The following IGSF21 variants were observed in gnomAD, a reference collection of about 807,000 sequenced individuals.
IGSF21 encodes the protein immunoglobin superfamily member 21, also known as immunoglobulin superfamily member 21.
A neutral mutation model predicts 46.8 loss-of-function variants in IGSF21; 28 were observed. That is an observed-to-expected ratio of 0.60 (90% CI 0.44 to 0.82). The LOEUF (loss-of-function observed/expected upper bound fraction) is 0.82. Ranked by LOEUF, IGSF21 falls within the 40% of genes least tolerant of loss-of-function variation. The probability of loss-of-function intolerance (pLI) is 0.00; values close to 1 mark genes in which losing one functional copy is unlikely to be tolerated. For missense variants in IGSF21, 624 were observed against 665.5 expected (o/e 0.94, Z 0.69); for synonymous variants, 284 against 273.6 (o/e 1.04, Z -0.38).
chr1:18,321,309 C>T (rs1259722932), intron 3 of IGSF21, among the ~76,000 whole-genome samples: 8 of 152,190 alleles, frequency 5.3e-5, no homozygotes, highest in Admixed American at 5.2e-4. Context: ...ACTCACTCTG[C>T]CTGCCCTTTA....
At chr1:18,278,890 G>T (rs989610152) in intron 2 of IGSF21, 24 of 471,592 alleles carry the variant, frequency 5.1e-5, no homozygotes, top group Non-Finnish European at 1.1e-4. Flanking sequence ...GCCAGGTAAT[G>T]GGTATATGGG....
chr1:18,297,558 G>A (rs917180208), intron 3 of IGSF21, among the ~76,000 whole-genome samples: 6 of 152,060 alleles, frequency 3.9e-5, no homozygotes, highest in African/African-American at 1.4e-4. Flanking sequence ...GATGAGTGTG[G>A]TGAAGGGAAT....
intron 1 of IGSF21, among the ~76,000 whole-genome samples, chr1:18,213,906 T>A (rs2084417802): frequency 6.6e-6 from 1 of 152,134 alleles, no homozygotes; most frequent in African/African-American, 2.4e-5. Flanking sequence ...TTCAAAGGCC[T>A]GAGGACTGAC....
Position 18,240,240 on chromosome 1 carries a change from C to T in IGSF21, c.183+12230C>T, listed in dbSNP as rs139147328. Among the ~76,000 whole-genome samples, 6 of 152,278 alleles carry T rather than the reference C, an allele frequency of 3.9e-5. No homozygotes were observed. In the East Asian group the frequency reaches 7.7e-4, roughly 20 times the overall value. ...AAGCTGCAGTGAGCTGTGATTGCAC[C>T]GCTGCACTCCAGCCTGGAGGACAGA... On this transcript the variant is annotated intron_variant, in intron 2 of 9. Transcript: ENST00000251296.
intron 1 of IGSF21, among the ~76,000 whole-genome samples, chr1:18,153,651 G>C (rs1291142663): frequency 6.6e-6 from 1 of 151,818 alleles, no homozygotes. Flanking sequence ...TCTCTACTTC[G>C]CAAATGAGGC....
rs576382442 is a variant in IGSF21 at position 18,196,538 on chromosome 1, A to G, written c.71-31360A>G. Among the ~76,000 whole-genome samples the G allele has an allele frequency of 8.1e-4, 124 of 152,364 alleles. 1 individual carries two copies. Among genetic ancestry groups the G allele is most frequent in the Middle Eastern group, 3.4e-3 (1 of 294 alleles). ...CTGCCAAAGCTTAGCAGGGGGCTCCACAGGGTCCTGAAGGTACCCCCTGAA... is the reference window on the plus strand; with the variant it reads ...CTGCCAAAGCTTAGCAGGGGGCTCCGCAGGGTCCTGAAGGTACCCCCTGAA... On this transcript the variant is annotated intron_variant, in intron 1 of 9. Transcript: ENST00000251296.
chr1:18,316,257 C>G (rs1003626741), intron 3 of IGSF21, among the ~76,000 whole-genome samples: 1 of 152,178 alleles, frequency 6.6e-6, no homozygotes, highest in African/African-American at 2.4e-5. Context: ...TCATCCTGTC[C>G]CCTCCTCCCC....
chr1:18,146,491 AC>A (rs2086467951), intron 1 of IGSF21, among the ~76,000 whole-genome samples: 1 of 152,102 alleles, frequency 6.6e-6, no homozygotes, highest in South Asian at 2.1e-4. Flanking sequence ...TCCTGGGATC[AC>A]TGCTCCAACG....
intron 2 of IGSF21, among the ~76,000 whole-genome samples, chr1:18,283,686 T>A (rs930370110): frequency 6.6e-6 from 1 of 151,862 alleles, no homozygotes; most frequent in African/African-American, 2.4e-5. Context: ...CCTGCCCTGG[T>A]TTTCCTCTCC....
intron 1 of IGSF21, among the ~76,000 whole-genome samples, chr1:18,221,523 C>T (rs931605622): frequency 3.9e-5 from 6 of 152,136 alleles, no homozygotes; most frequent in African/African-American, 1.2e-4. Context: ...AGGAGAGTTC[C>T]TGGGTGTAGG....
At chr1:18,162,923 T>C (rs904814228) in intron 1 of IGSF21, among the ~76,000 whole-genome samples, 4 of 151,574 alleles carry the variant, frequency 2.6e-5, no homozygotes, top group Non-Finnish European at 5.9e-5. Context: ...CCCAGAGGAG[T>C]CTTTGGACTT....
chr1:18,131,806 C>A (rs184341857), intron 1 of IGSF21, among the ~76,000 whole-genome samples: 13 of 152,150 alleles, frequency 8.5e-5, no homozygotes, highest in African/African-American at 3.1e-4. Context: ...TCTTCTACTT[C>A]TTATAAGCCT....
intron 3 of IGSF21, among the ~76,000 whole-genome samples, chr1:18,316,267 C>T (rs908802298): frequency 2.0e-5 from 3 of 152,236 alleles, no homozygotes; most frequent in African/African-American, 7.2e-5. Flanking sequence ...CCCTCCTCCC[C>T]AGCATGAATC....
chr1:18,374,040 C>G (rs563180187), intron 6 of IGSF21, among the ~76,000 whole-genome samples: 1 of 152,176 alleles, frequency 6.6e-6, no homozygotes, highest in Non-Finnish European at 1.5e-5. Context: ...CCCCTGCCCT[C>G]CAGGGCTCTA....
chr1:18,291,842 G>T, intron 2 of IGSF21, 24 bp from the exon 3 acceptor site: 2 of 1,612,360 alleles, frequency 1.2e-6, no homozygotes, highest in Non-Finnish European at 1.7e-6. Context: ...ACTCACGTGT[G>T]GCTATCTCTG....
chr1:18,200,503 G>A (rs2087061514), intron 1 of IGSF21, among the ~76,000 whole-genome samples: 1 of 152,156 alleles, frequency 6.6e-6, no homozygotes, highest in African/African-American at 2.4e-5. Flanking sequence ...AATTCTTGGT[G>A]TTTGGTGTTC....
intron 1 of IGSF21, among the ~76,000 whole-genome samples, chr1:18,157,576 C>G (rs1233083456): frequency 6.6e-6 from 1 of 152,224 alleles, no homozygotes; most frequent in Non-Finnish European, 1.5e-5. Flanking sequence ...TCAACGTGTC[C>G]GCTCTGACTT....
chr1:18,363,591 G>A (rs1454257655), intron 5 of IGSF21, among the ~76,000 whole-genome samples: 1 of 151,866 alleles, frequency 6.6e-6, no homozygotes, highest in Non-Finnish European at 1.5e-5. Context: ...AGACACAGGT[G>A]GGGCAGTGGG....
intron 1 of IGSF21, among the ~76,000 whole-genome samples, chr1:18,154,602 G>A (rs2086551705): frequency 6.6e-6 from 1 of 151,006 alleles, no homozygotes; most frequent in South Asian, 2.1e-4. Flanking sequence ...GGGCAGGGCT[G>A]GGTGAGGAGG....
Sources: gnomAD v4.1 joint callset for allele counts (sites outside exome capture counted in the v4.1 genomes callset) on GRCh38, gnomAD v4.1.1 for gene constraint, MANE v1.5 for transcripts, NCBI Gene and HGNC (gene_info 2026-07-23, HGNC 2026-07-21) for gene names.